RDH11: variants seen among roughly 807,000 people sequenced by gnomAD.
RDH11 encodes the protein retinol dehydrogenase 11.
In RDH11, 19 loss-of-function variants were observed where a neutral mutation model predicts 33.4. That is an observed-to-expected ratio of 0.57 (90% CI 0.40 to 0.83). The LOEUF (loss-of-function observed/expected upper bound fraction) is 0.83. Ranked by LOEUF, RDH11 falls within the 40% of genes least tolerant of loss-of-function variation. The probability of loss-of-function intolerance (pLI) is 0.00; values close to 1 mark genes in which losing one functional copy is unlikely to be tolerated. For synonymous variants in RDH11, 154 were observed against 155.3 expected, an observed-to-expected ratio of 0.99 and a Z score of 0.06; for missense variants, 353 against 389.0, an observed-to-expected ratio of 0.91 and a Z score of 0.78.
In RDH11 at chr14:67,691,152, C is replaced by T. The variant is rs2140079892; in HGVS notation, c.442G>A (p.Val148Ile). 1.2e-6 allele frequency: 2 copies of T among 1,612,658 alleles called. No individual in the cohort carries two copies. Among genetic ancestry groups the T allele is most frequent in the African/African-American group, 1.3e-5 (1 of 75,002 alleles). The change falls in exon 4 of 7, where the codon GTC (valine) becomes ATC (isoleucine). Residue 148 changes from valine (V) to isoleucine (I), a missense_variant. Physicochemically the swap from Val to Ile is conservative, Grantham distance 29. Coordinates refer to ENST00000381346, the MANE Select transcript of RDH11 (RefSeq NM_016026.4). Reference sequence around the variant, plus strand: ...CCAGATTTCTTACCCAAGTGGTTGACTCCTATGTGCATCTCAAAGCCATCT... The same window carrying T: ...CCAGATTTCTTACCCAAGTGGTTGATTCCTATGTGCATCTCAAAGCCATCT... ...TADGFEMHIG[V>I]NHLGHFLLTH...
intron 6 of RDH11, among the ~76,000 whole-genome samples, chr14:67,681,085 G>T (rs2037610098): frequency 6.6e-6 from 1 of 152,204 alleles, no homozygotes; most frequent in African/African-American, 2.4e-5. Flanking sequence ...GGCCTTTAAG[G>T]AGGTAACTAA....
intron 6 of RDH11, among the ~76,000 whole-genome samples, chr14:67,684,347 A>G (rs551930453): frequency 7.9e-5 from 12 of 152,294 alleles, no homozygotes; most frequent in Middle Eastern, 6.8e-3. Context: ...ATTTGCTTCA[A>G]AATAATATGG....
chr14:67,678,486 G>T, intron 6 of RDH11, 63 bp from the exon 7 acceptor site: 3 of 1,113,124 alleles, frequency 2.7e-6, no homozygotes, highest in Admixed American at 1.8e-5. Context: ...ATCTGCCAGG[G>T]ATAAGGAATA....
chr14:67,695,000 T>G (rs561041888), intron 1 of RDH11, among the ~76,000 whole-genome samples: 1 of 152,288 alleles, frequency 6.6e-6, no homozygotes, highest in East Asian at 1.9e-4. Flanking sequence ...GTCAATACCT[T>G]CCCACCATTC....
chr14:67,691,111 T>C, intron 4 of RDH11, 29 bp downstream of exon 4: 3 of 1,515,600 alleles, frequency 2.0e-6, no homozygotes, highest in Non-Finnish European at 2.8e-6. Context: ...TGGGTCTCTC[T>C]AGCTTTGTGA....
chr14:67,694,174 T>G (rs577592229), intron 1 of RDH11, among the ~76,000 whole-genome samples: 1 of 152,262 alleles, frequency 6.6e-6, no homozygotes, highest in African/African-American at 2.4e-5. Context: ...TGAAGCTACC[T>G]GCATAGTGCG....
rs1482603637 is a variant in RDH11, at chr14:67,685,109, A to C, written c.760T>G (p.Ser254Ala). 6.2e-7 allele frequency: 1 copy of C among 1,614,182 alleles called. No homozygotes were observed. ...SFMRWMWWLF[S>A]FFIKTPQQGA... Reference sequence around the variant, plus strand: ...TGCTGAGGAGTCTTGATGAAAAAGGAGAAAAGCCACCACATCCATCTCATG... The same window carrying C: ...TGCTGAGGAGTCTTGATGAAAAAGGCGAAAAGCCACCACATCCATCTCATG... The change falls in exon 6 of 7, where the codon TCC (serine) becomes GCC (alanine). Residue 254 changes from serine (S) to alanine (A), a missense_variant. Transcript: ENST00000381346.
intron 6 of RDH11, among the ~76,000 whole-genome samples, chr14:67,681,924 T>C (rs1399725165): frequency 1.3e-5 from 2 of 152,158 alleles, no homozygotes; most frequent in Non-Finnish European, 2.9e-5. Context: ...TCTGCCTTCA[T>C]GAACAGATTA....
intron 6 of RDH11, among the ~76,000 whole-genome samples, chr14:67,684,120 A>T (rs576193793): frequency 6.6e-6 from 1 of 152,308 alleles, no homozygotes; most frequent in East Asian, 1.9e-4. Context: ...TCATGAAACA[A>T]AGTTGCTAAA....
chr14:67,695,438 C>G (rs1053908401), intron 1 of RDH11, among the ~76,000 whole-genome samples, 192 bp downstream of exon 1: 10 of 152,238 alleles, frequency 6.6e-5, no homozygotes, highest in African/African-American at 2.4e-4. Context: ...CCCTTTCTCA[C>G]CGCCTGGGGT....
intron 5 of RDH11, among the ~76,000 whole-genome samples, chr14:67,688,849 A>C (rs142089010): frequency 6.6e-6 from 1 of 152,302 alleles, no homozygotes; most frequent in African/African-American, 2.4e-5. Context: ...ATGTAAACCA[A>C]ACCAAAGAAG....
At chr14:67,680,806 A>G (rs2037606282) in intron 6 of RDH11, among the ~76,000 whole-genome samples, 1 of 152,226 alleles carries the variant, frequency 6.6e-6, no homozygotes. Flanking sequence ...TGGTCACAGT[A>G]TTGACATTTC....
chr14:67,685,045 CCTT>C lies in RDH11; in HGVS notation c.821_823del (p.Glu274del). On this transcript the variant is annotated inframe_deletion, in exon 6 of 7. Transcript: ENST00000381346. ...ATGATTCCCACTTAGAATCTCAAGA[CCTT>C]CTGTTAAGGCACAGTGCAGGCTGGT... 6.2e-7 allele frequency: 1 copy of C among 1,612,234 alleles called. No homozygotes were observed. Among genetic ancestry groups the C allele is most frequent in the Non-Finnish European group, 8.5e-7 (1 of 1,179,450 alleles).
chr14:67,692,394 T>G, intron 3 of RDH11, 44 bp downstream of exon 3: 1 of 1,601,380 alleles, frequency 6.2e-7, no homozygotes, highest in Non-Finnish European at 8.5e-7. Context: ...TCTGCCATGT[T>G]GACCTCAAGA....
At position 67,683,492 on chromosome 14, in the gene RDH11, G is replaced by A. The variant is rs371997309; in HGVS notation, c.854+1523C>T. Among the ~76,000 whole-genome samples the A allele has an allele frequency of 3.0e-4, 46 of 152,288 alleles. 1 individual carries two copies. Among genetic ancestry groups the A allele is most frequent in the African/African-American group, 1.1e-3 (45 of 41,562 alleles). Reference sequence around the variant, plus strand: ...ACACAGTGGACAACTGTTACTCTTTGGCTGAACATTCTACTTTGTTTCGGC... The same window carrying A: ...ACACAGTGGACAACTGTTACTCTTTAGCTGAACATTCTACTTTGTTTCGGC... On this transcript the variant is annotated intron_variant, in intron 6 of 6. Coordinates refer to ENST00000381346, the MANE Select transcript of RDH11 (RefSeq NM_016026.4).
chr14:67,692,972 C>T lies in RDH11; in HGVS notation c.155G>A (p.Gly52Asp). ...KVVVVTGANT[G>D]IGKETAKELA... ...CTCTTTGGCTGTCTCCTTCCCGATA[C>T]CTGTATTAGCTCCTGTGACCACAAC... Residue 52 changes from glycine to aspartate, a missense_variant, in exon 2 of 7, where the codon GGT becomes GAT. Coordinates refer to ENST00000381346, the MANE Select transcript of RDH11 (RefSeq NM_016026.4). 6.2e-7 allele frequency: 1 copy of T among 1,614,016 alleles called. No homozygotes were observed. Among genetic ancestry groups the T allele is most frequent in the Non-Finnish European group, 8.5e-7 (1 of 1,179,942 alleles).
chr14:67,688,359 C>A (rs1157186861), intron 5 of RDH11, among the ~76,000 whole-genome samples: 1 of 152,144 alleles, frequency 6.6e-6, no homozygotes, highest in Non-Finnish European at 1.5e-5. Flanking sequence ...TACAACACAG[C>A]CAATACAATT....
intron 1 of RDH11, 57 bp downstream of exon 1, chr14:67,695,573 T>C (rs2037820118): frequency 2.0e-6 from 3 of 1,537,490 alleles, no homozygotes; most frequent in Admixed American, 3.6e-5. Flanking sequence ...GGATTCTATG[T>C]TTCCCTCCCG....
At position 67,692,595 on chromosome 14, in the gene RDH11, T is replaced by C. The variant is rs964957680; in HGVS notation, c.155-2A>G. ...GGCAAGCTAAATATACTCGAGCTCC[T>C]GTCAGCCAACATATGAAAGAGAAAT... On this transcript the variant is annotated splice_acceptor_variant, in intron 2 of 6. Transcript: ENST00000553384. LOFTEE classifies it high-confidence loss of function. 4 of 1,559,642 alleles carry C rather than the reference T, an allele frequency of 2.6e-6. No individual in the cohort carries two copies. Among genetic ancestry groups the C allele is most frequent in the Non-Finnish European group, 3.5e-6 (4 of 1,156,920 alleles).
Sources: gnomAD v4.1 joint callset for allele counts (sites outside exome capture counted in the v4.1 genomes callset) on GRCh38, gnomAD v4.1.1 for gene constraint, MANE v1.5 for transcripts, NCBI Gene and HGNC (gene_info 2026-07-23, HGNC 2026-07-21) for gene names.